SPAG1: variants seen among roughly 807,000 people sequenced by gnomAD.
SPAG1 encodes sperm-associated antigen 1.
A neutral mutation model predicts 100.5 loss-of-function variants in SPAG1; 69 were observed. The ratio of observed to expected loss-of-function variants is 0.69; its 90% CI spans 0.57 to 0.84. The LOEUF is 0.84. Among genes scored for constraint, SPAG1 ranks in the 40% least tolerant of loss-of-function variants. The pLI is 0.00. For synonymous variants in SPAG1, 336 were observed against 411.6 expected (o/e 0.82, Z 2.22); for missense variants, 955 against 1,133.1 (o/e 0.84, Z 2.26).
Position 100,171,387 on chromosome 8 carries a change from T to C in SPAG1, c.300+5414T>C, listed in dbSNP as rs1225826376. Among the ~76,000 whole-genome samples, 8 of 152,336 alleles carry C rather than the reference T, an allele frequency of 5.3e-5. No homozygotes were observed. The East Asian group carries it at 1.3e-3, about 26-fold the overall frequency. ...AGTTGGGAAGTATTGTCTCCTCTTC[T>C]GTTTTCTAAAAAAGTTGGTATATGA... is the stretch of plus-strand genomic sequence containing the variant. On this transcript the variant is annotated intron_variant, in intron 3 of 18. Coordinates refer to ENST00000388798, the MANE Select transcript of SPAG1 (RefSeq NM_003114.5).
intron 10 of SPAG1, among the ~76,000 whole-genome samples, chr8:100,212,430 T>C (rs1383842322): frequency 6.6e-6 from 1 of 152,196 alleles, no homozygotes; most frequent in African/African-American, 2.4e-5. Flanking sequence ...TTTTTATATT[T>C]AAAAATAGAT....
rs537597403 is a variant in SPAG1 at position 100,235,846 on chromosome 8, C to G, written c.2115+2309C>G. Among the ~76,000 whole-genome samples the G allele has an allele frequency of 6.6e-5, 10 of 151,172 alleles. No homozygotes were observed. In the East Asian group the frequency reaches 9.7e-4, roughly 15 times the overall value. The stretch of plus-strand genomic sequence containing the variant: ...TAACACATGCCTCCCCGCCGGCCCT[C>G]TTTTTTTTTGGTTAGCAACACACTC... On this transcript the variant is annotated intron_variant, in intron 16 of 18. Transcript: ENST00000388798.
At chr8:100,208,714 A>G (rs572803417) in intron 10 of SPAG1, among the ~76,000 whole-genome samples, 2 of 152,346 alleles carry the variant, frequency 1.3e-5, no homozygotes, top group East Asian at 1.9e-4. Flanking sequence ...ATCATGTGAC[A>G]TAAGATTTAT....
Position 100,177,306 on chromosome 8 carries a change from T to C in SPAG1, c.301-510T>C, listed in dbSNP as rs751808775. On this transcript the variant is annotated intron_variant, in intron 3 of 18. Coordinates refer to ENST00000388798, the MANE Select transcript of SPAG1 (RefSeq NM_003114.5). ...TCACAAGGCATTTTAAGCAGATACT[T>C]GTAACTCTTAAGCTTACCACAATAG... is the stretch of plus-strand genomic sequence containing the variant. 2.0e-5 allele frequency among the ~76,000 whole-genome samples: 3 copies of C among 152,356 alleles called. No individual in the cohort carries two copies. In the South Asian group the frequency reaches 6.2e-4, roughly 32 times the overall value.
intron 2 of SPAG1, 50 bp downstream of exon 2, chr8:100,162,470 CTTG>C (rs1473444333): frequency 7.2e-7 from 1 of 1,393,168 alleles, no homozygotes; most frequent in African/African-American, 1.5e-5. Context: ...TTTTAATTAT[CTTG>C]TTGTTACCTT....
intron 10 of SPAG1, among the ~76,000 whole-genome samples, chr8:100,202,738 A>G (rs940315035): frequency 6.8e-6 from 1 of 148,070 alleles, no homozygotes; most frequent in African/African-American, 2.5e-5. Flanking sequence ...AAAAAAAAAA[A>G]GAATCAACTG....
At chr8:100,180,051 C>T (rs780819866) in intron 4 of SPAG1, among the ~76,000 whole-genome samples, 7 of 152,204 alleles carry the variant, frequency 4.6e-5, no homozygotes, top group Non-Finnish European at 1.5e-5. Flanking sequence ...GGTCCAGGCA[C>T]AGGCGGGCAG....
intron 10 of SPAG1, among the ~76,000 whole-genome samples, chr8:100,203,664 AG>A (rs1360707432): frequency 2.6e-5 from 4 of 152,200 alleles, no homozygotes; most frequent in African/African-American, 9.7e-5. Flanking sequence ...TGGAGAACCA[AG>A]GAACATAATG....
intron 10 of SPAG1, among the ~76,000 whole-genome samples, chr8:100,197,041 C>T (rs1314851534): frequency 1.3e-5 from 2 of 152,136 alleles, no homozygotes; most frequent in East Asian, 1.9e-4. Context: ...GGCACACCAC[C>T]GCACTCAGCT....
chr8:100,232,037 T>C (rs1248977859), intron 15 of SPAG1, among the ~76,000 whole-genome samples: 3 of 152,030 alleles, frequency 2.0e-5, no homozygotes, highest in Non-Finnish European at 2.9e-5. Flanking sequence ...ACCAGCGTCA[T>C]TTATAGCGTG....
intron 10 of SPAG1, among the ~76,000 whole-genome samples, chr8:100,196,172 GCTATA>G (rs1200989682): frequency 6.6e-6 from 1 of 152,172 alleles, no homozygotes; most frequent in Non-Finnish European, 1.5e-5. Context: ...AGTAAAAACT[GCTATA>G]CACACTCATT....
rs372661689 is a variant in SPAG1, at chr8:100,237,637, GGACGTGCTCA to G, written c.2116-1600_2116-1591del. Among the ~76,000 whole-genome samples the G allele has an allele frequency of 3.4e-3, 520 of 152,260 alleles. 2 individuals are homozygous for G. Among genetic ancestry groups the G allele is most frequent in the African/African-American group, 0.012 (484 of 41,542 alleles). ...GTGGTCCTCTTAGCTCCTGGCACAT[GGACGTGCTCA>G]GAGACCATCTGTGAAGTGAATGAGC... On this transcript the variant is annotated intron_variant, in intron 16 of 18. Transcript: ENST00000388798.
intron 4 of SPAG1, among the ~76,000 whole-genome samples, chr8:100,182,506 A>C (rs1167721251): frequency 6.6e-6 from 1 of 152,202 alleles, no homozygotes; most frequent in Non-Finnish European, 1.5e-5. Flanking sequence ...AGGGAAAGTG[A>C]AATCAGTAGG....
chr8:100,169,540 A>G (rs994202339), intron 3 of SPAG1, among the ~76,000 whole-genome samples: 2 of 152,188 alleles, frequency 1.3e-5, no homozygotes, highest in Non-Finnish European at 2.9e-5. Context: ...GGAGTTCAAG[A>G]CCAGACTGGC....
Position 100,213,275 on chromosome 8 carries a change from G to GGCATC in SPAG1, c.1282_1283insGCATC (p.Ala428GlyfsTer23). ...ACGGCGGGCCTCTGCGGCGGCGGCG[G>GGCATC]CGGGCGGCGGCGCCACCGGGCATCC... On this transcript the variant is annotated frameshift_variant, in exon 11 of 19. Transcript: ENST00000388798. LOFTEE classifies it high-confidence loss of function. The GGCATC allele has an allele frequency of 4.1e-6, 5 of 1,214,114 alleles. No homozygotes were observed. Among genetic ancestry groups the GGCATC allele is most frequent in the Non-Finnish European group, 5.1e-6 (5 of 979,234 alleles). 75.2% of individuals were successfully genotyped at this position (1,214,114 alleles called of 1,614,324 possible).
intron 1 of SPAG1, among the ~76,000 whole-genome samples, chr8:100,159,201 C>T (rs1031457778): frequency 2.6e-4 from 39 of 152,188 alleles, no homozygotes; most frequent in African/African-American, 8.7e-4. Flanking sequence ...TGGAAAAATC[C>T]TTCTAAGGCA....
chr8:100,170,972 G>A lies in SPAG1; in HGVS notation c.300+4999G>A, dbSNP rs116794724. 6.2e-3 allele frequency among the ~76,000 whole-genome samples: 946 copies of A among 152,116 alleles called. 9 individuals are homozygous for A. The highest frequency in any genetic ancestry group is 0.022 in the African/African-American group (899 of 41,500). ...TCTGACTTTCACTGTGAAATATAAC[G>A]TTAGCTTTAAATTTTGTGTAGATGC... On this transcript the variant is annotated intron_variant, in intron 3 of 18. Transcript: ENST00000388798.
chr8:100,178,411 C>G (rs1197836906), intron 4 of SPAG1, among the ~76,000 whole-genome samples: 3 of 151,558 alleles, frequency 2.0e-5, no homozygotes, highest in Non-Finnish European at 4.4e-5. Context: ...ATGTTTTTTC[C>G]TCTTATTCCC....
intron 3 of SPAG1, among the ~76,000 whole-genome samples, chr8:100,176,066 A>C (rs1385889984): frequency 6.6e-6 from 1 of 152,178 alleles, no homozygotes; most frequent in Non-Finnish European, 1.5e-5. Context: ...CCCCAAGAAT[A>C]CAGCACTTTT....
Sources: gnomAD v4.1 joint callset for allele counts (sites outside exome capture counted in the v4.1 genomes callset) on GRCh38, gnomAD v4.1.1 for gene constraint, MANE v1.5 for transcripts, NCBI Gene and HGNC (gene_info 2026-07-23, HGNC 2026-07-21) for gene names.